The following ETV6 variants were observed in gnomAD, a reference collection of about 807,000 sequenced individuals.
ETV6 encodes ETS variant transcription factor 6, also known as transcription factor ETV6.
In ETV6, 16 loss-of-function variants were observed where a neutral mutation model predicts 51.1. The observed-to-expected ratio is 0.31, with a 90% CI of 0.21 to 0.48. ETV6 has a LOEUF of 0.48. Ranked by LOEUF, ETV6 falls within the 20% of genes least tolerant of loss-of-function variation. The pLI is 0.99. For synonymous variants in ETV6, 240 were observed against 224.1 expected (o/e 1.07, Z -0.64); for missense variants, 458 against 594.8 (o/e 0.77, Z 2.39).
At chr12:11,732,612 G>A (rs892199712) in intron 1 of ETV6, among the ~76,000 whole-genome samples, 1 of 152,044 alleles carries the variant, frequency 6.6e-6, no homozygotes, top group African/African-American at 2.4e-5. Context: ...GCACTGTGTC[G>A]TTTGAATGTG....
intron 1 of ETV6, among the ~76,000 whole-genome samples, chr12:11,665,677 C>T (rs1864180938): frequency 6.6e-6 from 1 of 152,190 alleles, no homozygotes; most frequent in South Asian, 2.1e-4. Flanking sequence ...AAAGACCTCA[C>T]ACAGTTGACA....
At chr12:11,807,834 G>A (rs1290417413) in intron 2 of ETV6, among the ~76,000 whole-genome samples, 1 of 152,110 alleles carries the variant, frequency 6.6e-6, no homozygotes, top group Non-Finnish European at 1.5e-5. Context: ...GAATGTAGGT[G>A]GTATCAAATC....
chr12:11,691,483 T>C (rs1430618798), intron 1 of ETV6, among the ~76,000 whole-genome samples: 1 of 152,246 alleles, frequency 6.6e-6, no homozygotes, highest in Non-Finnish European at 1.5e-5. Context: ...CATATCGTTC[T>C]AAAATGGAAC....
chr12:11,848,145 A>G (rs1366054080), intron 3 of ETV6, among the ~76,000 whole-genome samples: 2 of 152,240 alleles, frequency 1.3e-5, no homozygotes, highest in Non-Finnish European at 2.9e-5. Flanking sequence ...TTGAGCGTTT[A>G]TGATGGCAGA....
At chr12:11,864,105 A>G (rs1216863754) in intron 4 of ETV6, among the ~76,000 whole-genome samples, 1 of 152,236 alleles carries the variant, frequency 6.6e-6, no homozygotes, top group Non-Finnish European at 1.5e-5. Flanking sequence ...CCAAAGCACT[A>G]TCACCCTCCT....
chr12:11,815,009 A>G (rs1332922825), intron 2 of ETV6, among the ~76,000 whole-genome samples: 1 of 152,176 alleles, frequency 6.6e-6, no homozygotes, highest in East Asian at 1.9e-4. Flanking sequence ...GGAGAAGGAA[A>G]CAGAGGCCCT....
chr12:11,692,597 T>C (rs1198976572), intron 1 of ETV6, among the ~76,000 whole-genome samples: 2 of 152,296 alleles, frequency 1.3e-5, no homozygotes, highest in East Asian at 1.9e-4. Context: ...GATCAGTCTT[T>C]TTTTGTTCCT....
intron 2 of ETV6, among the ~76,000 whole-genome samples, chr12:11,768,386 AGCTG>A (rs569063210): frequency 4.5e-4 from 68 of 152,318 alleles, no homozygotes; most frequent in Admixed American, 3.9e-3. Flanking sequence ...CCTGGCAGGT[AGCTG>A]ATAGTATCTT....
chr12:11,698,108 C>G (rs1864911890), intron 1 of ETV6, among the ~76,000 whole-genome samples: 2 of 152,222 alleles, frequency 1.3e-5, no homozygotes, highest in Admixed American at 1.3e-4. Context: ...GTTTTTACCA[C>G]TGACTCTTCT....
At chr12:11,679,583 T>G (rs1176666413) in intron 1 of ETV6, among the ~76,000 whole-genome samples, 1 of 152,228 alleles carries the variant, frequency 6.6e-6, no homozygotes, top group Admixed American at 6.5e-5. Context: ...TGTTGAATGG[T>G]CTTGATGTTT....
chr12:11,851,606 T>C (rs1946556060), intron 3 of ETV6, among the ~76,000 whole-genome samples: 1 of 152,208 alleles, frequency 6.6e-6, no homozygotes, highest in Non-Finnish European at 1.5e-5. Flanking sequence ...AAAAGTCTGG[T>C]CCAGGACACC....
chr12:11,710,206 C>T (rs1591624319), intron 1 of ETV6, among the ~76,000 whole-genome samples: 1 of 152,040 alleles, frequency 6.6e-6, no homozygotes, highest in East Asian at 1.9e-4. Context: ...ATTCTGTCCC[C>T]TCCCAAAGCT....
chr12:11,839,064 C>T (rs1946353886), intron 2 of ETV6, 76 bp from the exon 3 acceptor site: 6 of 1,465,408 alleles, frequency 4.1e-6, no homozygotes, highest in Non-Finnish European at 5.6e-6. Flanking sequence ...TATTCAGAGA[C>T]CTTCTCCCTT....
intron 2 of ETV6, among the ~76,000 whole-genome samples, chr12:11,788,867 C>T (rs923014955): frequency 4.6e-5 from 7 of 150,898 alleles, no homozygotes; most frequent in East Asian, 1.9e-4. Context: ...GATGCATCCT[C>T]GTAATCATAA....
At chr12:11,712,259 G>T (rs1201503308) in intron 1 of ETV6, among the ~76,000 whole-genome samples, 1 of 152,076 alleles carries the variant, frequency 6.6e-6, no homozygotes, top group African/African-American at 2.4e-5. Flanking sequence ...CATCTAATCC[G>T]TTTTAAGGGA....
intron 2 of ETV6, among the ~76,000 whole-genome samples, chr12:11,834,378 T>A (rs1358025277): frequency 1.3e-5 from 2 of 152,322 alleles, no homozygotes; most frequent in Non-Finnish European, 2.9e-5. Flanking sequence ...AATTCCTGTT[T>A]ATACAGAAAG....
intron 2 of ETV6, among the ~76,000 whole-genome samples, chr12:11,770,106 T>A (rs183723319): frequency 2.8e-4 from 43 of 152,296 alleles, no homozygotes; most frequent in African/African-American, 8.9e-4. Context: ...TTATATCATC[T>A]TCTTCATAGC....
intron 1 of ETV6, among the ~76,000 whole-genome samples, chr12:11,701,756 G>C (rs1864986659): frequency 6.6e-6 from 1 of 152,206 alleles, no homozygotes; most frequent in Admixed American, 6.5e-5. Flanking sequence ...GTGGTACCAT[G>C]TGCTAGGTGC....
At chr12:11,859,134 T>G (rs1206537012) in intron 4 of ETV6, among the ~76,000 whole-genome samples, 1 of 81,328 alleles carries the variant, frequency 1.2e-5, no homozygotes, top group African/African-American at 5.7e-5. Flanking sequence ...TTTTTTTTTT[T>G]TTTTTTTTTT....
Sources: allele counts gnomAD v4.1 joint callset (sites outside exome capture counted in the v4.1 genomes callset), GRCh38; gene constraint gnomAD v4.1.1; transcripts MANE v1.5; gene names NCBI Gene and HGNC (gene_info 2026-07-23, HGNC 2026-07-21).